TENM2: variants seen among roughly 807,000 people sequenced by gnomAD.
TENM2 encodes the protein teneurin transmembrane protein 2.
In TENM2, 52 loss-of-function variants were observed where a neutral mutation model predicts 245.2. The observed-to-expected ratio is 0.21, with a 90% confidence interval of 0.17 to 0.27. TENM2 has a LOEUF of 0.27. TENM2 is among the 10% of genes least tolerant of loss of function. The pLI, the probability that TENM2 is intolerant of heterozygous loss-of-function variation, is 1.00. For synonymous variants in TENM2, 1,363 were observed against 1,438.9 expected, an observed-to-expected ratio of 0.95 and a Z score of 1.19; for missense variants, 3,046 against 3,666.8, an observed-to-expected ratio of 0.83 and a Z score of 4.37.
At chr5:167,971,137 C>T (rs1781744516) in intron 4 of TENM2, among the ~76,000 whole-genome samples, 1 of 151,610 alleles carries the variant, frequency 6.6e-6, no homozygotes, top group Admixed American at 6.6e-5. Context: ...AGAGCTTACC[C>T]CAAATAGCTA....
At chr5:167,806,703 T>C (rs1218576402) in intron 2 of TENM2, among the ~76,000 whole-genome samples, 1 of 152,138 alleles carries the variant, frequency 6.6e-6, no homozygotes, top group Non-Finnish European at 1.5e-5. Flanking sequence ...TCATTTTTTA[T>C]AATTCACCAA....
chr5:167,372,857 G>A (rs548541013), intron 1 of TENM2, among the ~76,000 whole-genome samples: 1 of 152,278 alleles, frequency 6.6e-6, no homozygotes, highest in African/African-American at 2.4e-5. Context: ...CACATACTCA[G>A]TAACTTCATT....
At chr5:167,577,022 G>T (rs1016717725) in intron 2 of TENM2, among the ~76,000 whole-genome samples, 1 of 152,166 alleles carries the variant, frequency 6.6e-6, no homozygotes, top group African/African-American at 2.4e-5. Context: ...GGAATGCAGA[G>T]AGCAAACATA....
chr5:167,402,103 G>C (rs1175782378), intron 2 of TENM2, among the ~76,000 whole-genome samples: 1 of 152,094 alleles, frequency 6.6e-6, no homozygotes, highest in Non-Finnish European at 1.5e-5. Context: ...GTTTTGAATT[G>C]AGACAGACCT....
At chr5:168,190,953 G>A (rs1760900069) in intron 14 of TENM2, 1 of 159,998 alleles carries the variant, frequency 6.3e-6, no homozygotes, top group East Asian at 1.9e-4. Flanking sequence ...TTATTAACTT[G>A]ATAACATAAC....
intron 8 of TENM2, among the ~76,000 whole-genome samples, chr5:168,095,863 A>G (rs1331351915): frequency 2.6e-5 from 4 of 152,174 alleles, no homozygotes; most frequent in Non-Finnish European, 4.4e-5. Context: ...TTTATTACTC[A>G]GAGCAATGCA....
chr5:167,658,297 C>T (rs1178740671), intron 2 of TENM2, among the ~76,000 whole-genome samples: 1 of 151,906 alleles, frequency 6.6e-6, no homozygotes, highest in Non-Finnish European at 1.5e-5. Flanking sequence ...CAACCTCCAC[C>T]TCCAGGGTTT....
At chr5:167,765,997 T>C (rs1189515683) in intron 2 of TENM2, among the ~76,000 whole-genome samples, 1 of 152,212 alleles carries the variant, frequency 6.6e-6, no homozygotes, top group Non-Finnish European at 1.5e-5. Flanking sequence ...AGATCTGGGC[T>C]CTTTTGCCAT....
the TENM2 span, among the ~76,000 whole-genome samples, chr5:167,214,083 C>T: frequency 2.0e-5 from 3 of 152,178 alleles, no homozygotes; most frequent in South Asian, 2.1e-4. Flanking sequence ...CTGGTGATTT[C>T]CAGGGAAAGC....
intron 2 of TENM2, among the ~76,000 whole-genome samples, chr5:167,582,148 G>A (rs1775139376): frequency 6.6e-6 from 1 of 152,098 alleles, no homozygotes. Flanking sequence ...ACTTACTGTT[G>A]ATGCAGGCCA....
chr5:167,741,894 A>G (rs1761200904), intron 2 of TENM2, among the ~76,000 whole-genome samples: 3 of 152,158 alleles, frequency 2.0e-5, no homozygotes, highest in African/African-American at 7.2e-5. Context: ...GCCTGTGGAC[A>G]AACAGGGCCC....
At chr5:167,445,719 G>A (rs1765170480) in intron 2 of TENM2, among the ~76,000 whole-genome samples, 1 of 152,150 alleles carries the variant, frequency 6.6e-6, no homozygotes. Flanking sequence ...ACAGCCTGTG[G>A]TTTTCCAGCC....
At chr5:167,060,314 T>C in the TENM2 span, among the ~76,000 whole-genome samples, 14 of 151,964 alleles carry the variant, frequency 9.2e-5, no homozygotes, top group African/African-American at 3.4e-4. Flanking sequence ...CAAATACAAA[T>C]ATGAGCCACG....
chr5:167,293,785 T>A (rs1369754623), intron 1 of TENM2, among the ~76,000 whole-genome samples: 2 of 152,152 alleles, frequency 1.3e-5, no homozygotes, highest in African/African-American at 4.8e-5. Context: ...GGATTTTTTT[T>A]TAAAATTTGT....
the TENM2 span, among the ~76,000 whole-genome samples, chr5:167,019,501 C>T: frequency 1.2e-4 from 18 of 151,982 alleles, no homozygotes; most frequent in Admixed American, 9.8e-4. Flanking sequence ...GACAGAGTCT[C>T]GCTCTGTCGC....
chr5:167,913,459 C>T (rs1002004097), intron 3 of TENM2, among the ~76,000 whole-genome samples: 1 of 152,154 alleles, frequency 6.6e-6, no homozygotes, highest in Non-Finnish European at 1.5e-5. Flanking sequence ...GATATTGGCA[C>T]TACATTTGAA....
At chr5:167,790,834 A>C (rs1764905527) in intron 2 of TENM2, among the ~76,000 whole-genome samples, 1 of 152,174 alleles carries the variant, frequency 6.6e-6, no homozygotes, top group African/African-American at 2.4e-5. Flanking sequence ...TGGGGCAAAC[A>C]TTCTCTGAAA....
chr5:167,572,834 A>T (rs896055210), intron 2 of TENM2, among the ~76,000 whole-genome samples: 1 of 152,180 alleles, frequency 6.6e-6, no homozygotes, highest in African/African-American at 2.4e-5. Flanking sequence ...AGCAATAGTG[A>T]CTCAAAAACT....
At chr5:167,585,724 A>G (rs1028547106) in intron 2 of TENM2, among the ~76,000 whole-genome samples, 14 of 152,140 alleles carry the variant, frequency 9.2e-5, no homozygotes, top group African/African-American at 3.4e-4. Context: ...TAAAAATGTT[A>G]ATCAAATAAT....
Sources: allele counts gnomAD v4.1 joint callset (sites outside exome capture counted in the v4.1 genomes callset), GRCh38; gene constraint gnomAD v4.1.1; transcripts MANE v1.5; gene names NCBI Gene and HGNC (gene_info 2026-07-23, HGNC 2026-07-21).